Variants in SLC67A1 observed in about 807,000 individuals in gnomAD.
The protein encoded by SLC67A1 is solute carrier family 67 member A1.
chr11:2,912,207 C>A, the SLC67A1 span, among the ~76,000 whole-genome samples: 1 of 152,216 alleles, frequency 6.6e-6, no homozygotes, highest in Non-Finnish European at 1.5e-5. Flanking sequence ...AGGAGGGCTG[C>A]GGGGTTGACC....
At chr11:2,900,757 C>T in the SLC67A1 span, among the ~76,000 whole-genome samples, 3 of 140,076 alleles carry the variant, frequency 2.1e-5, no homozygotes, top group Admixed American at 7.2e-5. Flanking sequence ...TTAGGCTCAA[C>T]AAAGTATGGA....
chr11:2,919,006 G>A, the SLC67A1 span: 183,253 of 373,906 alleles, frequency 0.49, 47,439 homozygotes, highest in Non-Finnish European at 0.54. Context: ...ACAGAGAGCC[G>A]TGGTGGGTCT....
the SLC67A1 span, among the ~76,000 whole-genome samples, chr11:2,924,661 C>A: frequency 3.4e-3 from 523 of 152,336 alleles, 2 homozygotes; most frequent in African/African-American, 0.012. The surrounding 1 kb of genome is among the most constrained non-coding windows in gnomAD (Gnocchi z 8.6). Flanking sequence ...CATTCCCAGG[C>A]TCCTCCTGTG....
At chr11:2,925,158 G>T in the SLC67A1 span, 1 of 1,613,772 alleles carries the variant, frequency 6.2e-7, no homozygotes, top group Non-Finnish European at 8.5e-7. The surrounding 1 kb of genome is among the most constrained non-coding windows in gnomAD (Gnocchi z 6.5). Flanking sequence ...TGGTCCTCTG[G>T]AGGAAACCTA....
At chr11:2,909,406 T>G in the SLC67A1 span, 1 of 1,485,572 alleles carries the variant, frequency 6.7e-7, no homozygotes, top group Non-Finnish European at 8.9e-7. Flanking sequence ...GGGGGCAGCC[T>G]GCGGAGGACC....
the SLC67A1 span, chr11:2,924,958 C>T: frequency 1.3e-6 from 2 of 1,512,470 alleles, no homozygotes; most frequent in Non-Finnish European, 1.8e-6. The surrounding 1 kb of genome is among the most constrained non-coding windows in gnomAD (Gnocchi z 8.6). Context: ...AGGAAGTGGG[C>T]AGTTGGCCCA....
chr11:2,922,400 G>A, the SLC67A1 span: 7 of 1,601,714 alleles, frequency 4.4e-6, no homozygotes, highest in South Asian at 3.4e-5. Context: ...GTCCCGTGAG[G>A]CCCCCACTCA....
At chr11:2,922,484 G>A in the SLC67A1 span, 1 of 1,612,872 alleles carries the variant, frequency 6.2e-7, no homozygotes, top group Non-Finnish European at 8.5e-7. Flanking sequence ...GCCCGGCCTG[G>A]TGTTCAGCCT....
chr11:2,916,534 T>C, the SLC67A1 span: 1 of 955,184 alleles, frequency 1.0e-6, no homozygotes, highest in South Asian at 1.5e-5. Context: ...GCTATTTTAG[T>C]GCAACCAAAG....
chr11:2,919,448 G>A, the SLC67A1 span: 1 of 1,414,254 alleles, frequency 7.1e-7, no homozygotes, highest in Non-Finnish European at 1.0e-6. Context: ...CACGGCAGGG[G>A]TCTCCAGTGG....
At chr11:2,906,979 G>A in the SLC67A1 span, among the ~76,000 whole-genome samples, 1 of 152,044 alleles carries the variant, frequency 6.6e-6, no homozygotes, top group Non-Finnish European at 1.5e-5. Flanking sequence ...GGAATGTGGG[G>A]TGATTGTCAG....
At chr11:2,924,878 C>T in the SLC67A1 span, 2 of 742,296 alleles carry the variant, frequency 2.7e-6, no homozygotes, top group South Asian at 1.8e-5. The surrounding 1 kb of genome is among the most constrained non-coding windows in gnomAD (Gnocchi z 8.6). Flanking sequence ...TTTCACCAGA[C>T]TATGCAAGGT....
chr11:2,921,892 C>T, the SLC67A1 span: 7 of 595,810 alleles, frequency 1.2e-5, no homozygotes, highest in East Asian at 1.9e-4. Flanking sequence ...CCCGACTCCT[C>T]AGGGATCTCA....
chr11:2,916,547 G>T, the SLC67A1 span: 12 of 1,071,758 alleles, frequency 1.1e-5, no homozygotes, highest in Middle Eastern at 5.7e-4. Flanking sequence ...AACCAAAGGT[G>T]CAGGTTGGGG....
the SLC67A1 span, chr11:2,902,816 G>A: frequency 1.5e-5 from 13 of 885,204 alleles, no homozygotes; most frequent in East Asian, 8.4e-4. Context: ...GCTGGCCACA[G>A]GGGAAGGTAG....
the SLC67A1 span, chr11:2,914,917 A>G: frequency 1.0e-6 from 1 of 985,356 alleles, no homozygotes; most frequent in South Asian, 4.7e-5. Flanking sequence ...GGCTGGAGGG[A>G]CAAGCTGTGG....
At chr11:2,903,478 T>C in the SLC67A1 span, 2 of 1,613,234 alleles carry the variant, frequency 1.2e-6, no homozygotes, top group Admixed American at 3.3e-5. Flanking sequence ...CATGCAGTTC[T>C]CCATCGTGCC....
the SLC67A1 span, among the ~76,000 whole-genome samples, chr11:2,917,580 T>C: frequency 6.6e-6 from 1 of 152,334 alleles, no homozygotes; most frequent in South Asian, 2.1e-4. Context: ...ATTGCCATTG[T>C]CTTCCTCTGG....
the SLC67A1 span, among the ~76,000 whole-genome samples, chr11:2,899,987 T>A: frequency 3.9e-5 from 6 of 152,298 alleles, no homozygotes; most frequent in Non-Finnish European, 2.9e-5. Flanking sequence ...ACCTGCCCCA[T>A]TGAGTAAGGG....
Sources: gnomAD v4.1 joint callset for allele counts (sites outside exome capture counted in the v4.1 genomes callset) on GRCh38, gnomAD v4.1.1 for gene constraint, Gnocchi (gnomAD v3.1) non-coding constraint, MANE v1.5 for transcripts, NCBI Gene and HGNC (gene_info 2026-07-23, HGNC 2026-07-21) for gene names.